IGSF10: variants seen among roughly 807,000 people sequenced by gnomAD.
IGSF10 encodes immunoglobulin superfamily member 10, also known as calvaria mechanical force protein 608.
IGSF10 carries 126 observed loss-of-function variants against 128.2 expected under a neutral mutation model. That is an observed-to-expected ratio of 0.98 (90% CI 0.85 to 1.14). IGSF10 has a LOEUF of 1.14. Among genes scored for constraint, IGSF10 ranks in the 50% most tolerant of loss-of-function variants. IGSF10 has a pLI of 0.00. For synonymous variants in IGSF10, 1,185 were observed against 1,146.2 expected, an observed-to-expected ratio of 1.03 and a Z score of -0.68; for missense variants, 3,295 against 3,149.8, an observed-to-expected ratio of 1.05 and a Z score of -1.10.
chr3:151,451,980 A>T (rs770087513), intron 5 of IGSF10, among the ~76,000 whole-genome samples: 8 of 152,344 alleles, frequency 5.3e-5, no homozygotes, highest in Middle Eastern at 3.4e-3. Context: ...TTAACTACTG[A>T]GATCAGTGCA....
the IGSF10 span, among the ~76,000 whole-genome samples, chr3:151,575,444 C>T: frequency 6.6e-6 from 1 of 152,160 alleles, no homozygotes; most frequent in Non-Finnish European, 1.5e-5. Context: ...GATGCCCCTC[C>T]CCCAGCCTGG....
chr3:151,455,110 C>A (rs1292604260), intron 4 of IGSF10, among the ~76,000 whole-genome samples: 3 of 151,050 alleles, frequency 2.0e-5, no homozygotes, highest in African/African-American at 4.9e-5. Context: ...TTCTTTTTTG[C>A]GTTTTGTTTT....
chr3:151,448,783 G>C lies in IGSF10; in HGVS notation c.1198C>G (p.Leu400Val), dbSNP rs1426744038. 2 of 1,613,612 alleles carry C rather than the reference G, an allele frequency of 1.2e-6. No individual in the cohort carries two copies. The highest frequency in any genetic ancestry group is 1.7e-6 in the Non-Finnish European group (2 of 1,179,662). The change falls in exon 6 of 8, where the codon CTC becomes GTC. Residue 400 changes from leucine to valine, a missense_variant. Coordinates refer to ENST00000282466, the MANE Select transcript of IGSF10 (RefSeq NM_178822.5). ...GCCACCTGTTTATATTTGTAATAGAGCTGCGGTGTTTCACTAAGCAAGTGG... is the reference window on the plus strand; with the variant it reads ...GCCACCTGTTTATATTTGTAATAGACCTGCGGTGTTTCACTAAGCAAGTGG... ...RSHLLSETPQ[L>V]YYKYKQVAPK...
In IGSF10 at chr3:151,452,091, G is replaced by T. The variant is rs542852056; in HGVS notation, c.715+1293C>A. 3.9e-5 allele frequency among the ~76,000 whole-genome samples: 6 copies of T among 152,318 alleles called. No individual in the cohort carries two copies. The East Asian group carries it at 1.2e-3, about 29-fold the overall frequency. On this transcript the variant is annotated intron_variant, in intron 5 of 7. Transcript: ENST00000282466. ...ATTTTTCAAAGCAGAAGAGGTTGAT[G>T]TGACTGACCCATGGGTCTCGTAAAA... is the stretch of plus-strand genomic sequence containing the variant.
chr3:151,532,371 CAA>C, the IGSF10 span, among the ~76,000 whole-genome samples: 7 of 151,962 alleles, frequency 4.6e-5, no homozygotes, highest in South Asian at 1.5e-3. Context: ...AGACACACAA[CAA>C]AAAAAGAAAA....
Position 151,443,129 on chromosome 3 carries a change from T to C in IGSF10, c.5818A>G (p.Ser1940Gly), listed in dbSNP as rs774776191. 6.2e-7 allele frequency: 1 copy of C among 1,614,256 alleles called. No homozygotes were observed. The highest frequency in any genetic ancestry group is 1.1e-5 in the South Asian group (1 of 91,086). The change falls in exon 7 of 8, where the codon AGC (serine) becomes GGC (glycine). Residue 1940 changes from serine (S) to glycine (G), a missense_variant. Transcript: ENST00000282466. ...VMLTMEERVT[S>G]PRIEAASQKR... ...TGGGATGCAGCTTCTATCCTGGGGC[T>C]GGTCACTCGCTCTTCCATTGTAAGC...
At chr3:151,550,060 T>C in the IGSF10 span, among the ~76,000 whole-genome samples, 1 of 152,036 alleles carries the variant, frequency 6.6e-6, no homozygotes, top group Admixed American at 6.6e-5. Flanking sequence ...TAATTAAATA[T>C]AAAAAATAAA....
At chr3:151,533,015 C>A in the IGSF10 span, among the ~76,000 whole-genome samples, 1 of 148,886 alleles carries the variant, frequency 6.7e-6, no homozygotes, top group Admixed American at 6.7e-5. Flanking sequence ...TTCCTATACA[C>A]CAATAGCAGA....
the IGSF10 span, among the ~76,000 whole-genome samples, chr3:151,532,213 C>A: frequency 6.6e-6 from 1 of 150,986 alleles, no homozygotes; most frequent in Non-Finnish European, 1.5e-5. Context: ...CAAAAAAGTC[C>A]AAGGCCAGAC....
Position 151,458,553 on chromosome 3 carries a change from CTGGGA to C in IGSF10, c.152_156del (p.Ile51ArgfsTer19), listed in dbSNP as rs771947728. On this transcript the variant is annotated frameshift_variant, in exon 3 of 8. Coordinates refer to ENST00000282466, the MANE Select transcript of IGSF10 (RefSeq NM_178822.5). LOFTEE classifies it high-confidence loss of function. ...CGTTCCACATTGGGCGGGATGCTGT[CTGGGA>C]TGGAAGTCAGGTACCGAAATGTGCA... 4.3e-6 allele frequency: 7 copies of C among 1,613,974 alleles called. No individual in the cohort carries two copies. The East Asian group carries it at 6.7e-5, about 15-fold the overall frequency.
chr3:151,437,288 T>G lies in IGSF10; in HGVS notation c.7273A>C (p.Ile2425Leu), dbSNP rs144086705. Residue 2425 changes from isoleucine to leucine, a missense_variant, in exon 8 of 8, where the codon ATA (isoleucine) becomes CTA (leucine). By Grantham distance (5) the Ile-to-Leu change is conservative (BLOSUM62 2). Transcript: ENST00000282466. ...ACTGGCTTCTGGCCAATTTCTAATA[T>G]GACTAATTTCTCAATATAGCCAACT... The part of the protein sequence containing the change: ...NKVGYIEKLV[I>L]LEIGQKPVIL... 7.7e-5 allele frequency: 125 copies of G among 1,614,080 alleles called. No homozygotes were observed. In the Middle Eastern group the frequency reaches 3.0e-3, roughly 38 times the overall value.
the IGSF10 span, among the ~76,000 whole-genome samples, chr3:151,612,138 T>C: frequency 6.6e-6 from 1 of 152,234 alleles, no homozygotes; most frequent in African/African-American, 2.4e-5. Context: ...GCAGTTTCTT[T>C]TCTTTTGCTC....
chr3:151,512,884 G>A, the IGSF10 span, among the ~76,000 whole-genome samples: 5 of 152,070 alleles, frequency 3.3e-5, no homozygotes, highest in South Asian at 2.1e-4. Flanking sequence ...TAAATTCCTC[G>A]ACACATACAC....
the IGSF10 span, among the ~76,000 whole-genome samples, chr3:151,605,769 C>T: frequency 1.3e-5 from 2 of 152,314 alleles, no homozygotes; most frequent in East Asian, 3.9e-4. Flanking sequence ...ATTTTCTTCA[C>T]CTTGCCACTC....
At chr3:151,443,963 T>C in intron 6 of IGSF10, 79 bp from the exon 7 acceptor site, 1 of 1,098,522 alleles carries the variant, frequency 9.1e-7, no homozygotes, top group Non-Finnish European at 1.3e-6. Flanking sequence ...TTTTTTGGGC[T>C]ACTAAGAATA....
At chr3:151,432,709 G>C (rs375343794), downstream of IGSF10, 5 of 1,511,154 alleles carry the variant, frequency 3.3e-6, no homozygotes, top group Non-Finnish European at 4.6e-6. Context: ...CTGTGCAATA[G>C]TTTTGTGTCT....
At chr3:151,467,826 G>A in the IGSF10 span, among the ~76,000 whole-genome samples, 1 of 151,754 alleles carries the variant, frequency 6.6e-6, no homozygotes, top group East Asian at 1.9e-4. Flanking sequence ...AGAGCCTGCA[G>A]TGAGCCGAGA....
the IGSF10 span, among the ~76,000 whole-genome samples, chr3:151,600,644 G>T: frequency 6.6e-6 from 1 of 151,982 alleles, no homozygotes; most frequent in Admixed American, 6.6e-5. Flanking sequence ...TCAGTGCAGG[G>T]CATTTGTGTA....
the IGSF10 span, among the ~76,000 whole-genome samples, chr3:151,545,548 C>G: frequency 2.0e-5 from 3 of 152,328 alleles, no homozygotes; most frequent in African/African-American, 4.8e-5. Flanking sequence ...TTTTGACCAT[C>G]AAGTCCTGAA....
Sources: gnomAD v4.1 joint callset for allele counts (sites outside exome capture counted in the v4.1 genomes callset) on GRCh38, gnomAD v4.1.1 for gene constraint, MANE v1.5 for transcripts, NCBI Gene and HGNC (gene_info 2026-07-23, HGNC 2026-07-21) for gene names.